EPM2A: variants seen among roughly 807,000 people sequenced by gnomAD.
The protein encoded by EPM2A is laforin.
In EPM2A, 21 loss-of-function variants were observed where a neutral mutation model predicts 26.5. The ratio of observed to expected loss-of-function variants is 0.79; its 90% CI spans 0.56 to 1.14. The LOEUF (loss-of-function observed/expected upper bound fraction) is 1.14, where lower values mean the gene tolerates loss of function less well. Among genes scored for constraint, EPM2A ranks in the 50% most tolerant of loss-of-function variants. EPM2A has a pLI of 0.00. For synonymous variants in EPM2A, 217 were observed against 177.6 expected (o/e 1.22, Z -1.76); for missense variants, 458 against 440.8 (o/e 1.04, Z -0.35).
At chr6:145,602,307 T>C (rs1389208227) in intron 2 of EPM2A, among the ~76,000 whole-genome samples, 2 of 152,224 alleles carry the variant, frequency 1.3e-5, no homozygotes, top group African/African-American at 4.8e-5. Flanking sequence ...ATTTGTTGCA[T>C]TGATAATTAT....
chr6:145,735,769 T>C, upstream of EPM2A: 4 of 350,802 alleles, frequency 1.1e-5, no homozygotes, highest in Non-Finnish European at 1.7e-5. Flanking sequence ...CTGTGGGCGC[T>C]GGGGACACGC....
At chr6:145,506,672 G>T (rs1582808537) in intron 2 of EPM2A, among the ~76,000 whole-genome samples, 1 of 152,134 alleles carries the variant, frequency 6.6e-6, no homozygotes. Context: ...AAGAAAATAA[G>T]TCACCCTGTA....
intron 2 of EPM2A, among the ~76,000 whole-genome samples, chr6:145,650,143 C>A (rs537968407): frequency 1.1e-4 from 16 of 152,208 alleles, no homozygotes; most frequent in Middle Eastern, 6.8e-3. Context: ...GAACGGAAAG[C>A]AATTAGGAAA....
intron 2 of EPM2A, among the ~76,000 whole-genome samples, chr6:145,550,018 T>C (rs1165265341): frequency 6.6e-6 from 1 of 152,140 alleles, no homozygotes; most frequent in African/African-American, 2.4e-5. Context: ...CAGAGTCCAG[T>C]AGAACCGAAA....
chr6:145,733,451 TATATG>T (rs1776614548), intron 1 of EPM2A, among the ~76,000 whole-genome samples: 1 of 152,088 alleles, frequency 6.6e-6, no homozygotes, highest in Non-Finnish European at 1.5e-5. Flanking sequence ...ATATATAACT[TATATG>T]GTAACTATTA....
At chr6:145,392,537 T>C (rs995464439) in intron 4 of EPM2A, among the ~76,000 whole-genome samples, 1 of 152,036 alleles carries the variant, frequency 6.6e-6, no homozygotes, top group African/African-American at 2.4e-5. Flanking sequence ...AACCCCTCCT[T>C]TCCACACCCC....
At chr6:145,565,370 T>C (rs973944920) in intron 2 of EPM2A, among the ~76,000 whole-genome samples, 3 of 152,172 alleles carry the variant, frequency 2.0e-5, no homozygotes, top group Non-Finnish European at 4.4e-5. Context: ...CGTGCAGCTG[T>C]ATCTTCACCT....
intron 2 of EPM2A, among the ~76,000 whole-genome samples, chr6:145,613,913 CA>C (rs1436325618): frequency 5.9e-5 from 9 of 152,164 alleles, no homozygotes; most frequent in African/African-American, 2.4e-5. Flanking sequence ...TTAAAGTCAC[CA>C]GCTACAGTAG....
At chr6:145,655,198 A>G (rs971761865) in intron 2 of EPM2A, among the ~76,000 whole-genome samples, 5 of 152,150 alleles carry the variant, frequency 3.3e-5, no homozygotes, top group Non-Finnish European at 7.3e-5. Flanking sequence ...AAAAAAAAAA[A>G]AAACAGGATT....
intron 1 of EPM2A, among the ~76,000 whole-genome samples, chr6:145,700,559 A>C (rs148113053): frequency 0.011 from 1,652 of 152,286 alleles, 13 homozygotes; most frequent in Admixed American, 0.017. Flanking sequence ...CACACACAAA[A>C]AAAAACCTAT....
chr6:145,442,372 A>G (rs1040714082), intron 4 of EPM2A, among the ~76,000 whole-genome samples: 1 of 152,176 alleles, frequency 6.6e-6, no homozygotes, highest in Non-Finnish European at 1.5e-5. Context: ...GGGAAGAAAA[A>G]TAGGTTTAAT....
At chr6:145,551,433 G>T (rs1780654208) in intron 2 of EPM2A, among the ~76,000 whole-genome samples, 1 of 151,924 alleles carries the variant, frequency 6.6e-6, no homozygotes, top group Non-Finnish European at 1.5e-5. Context: ...TGAAAGCCTA[G>T]TAAAAGGTTC....
intron 2 of EPM2A, among the ~76,000 whole-genome samples, chr6:145,648,093 G>A (rs1215038186): frequency 2.0e-5 from 3 of 152,114 alleles, no homozygotes; most frequent in African/African-American, 7.2e-5. Flanking sequence ...CTCATAGATG[G>A]TCTATTTCTA....
rs1203767956 is a variant in EPM2A, at chr6:145,459,189, A to AG, written c.555+43332dup. Among the ~76,000 whole-genome samples the AG allele has an allele frequency of 7.9e-5, 12 of 152,302 alleles. No individual in the cohort carries two copies. The South Asian group carries it at 2.5e-3, about 32-fold the overall frequency. ...GGATATGTAGCCAATGGGCAAAGAGAGGGGGTCAGTGGATGGGAAATTACT... is the reference window on the plus strand; with the variant it reads ...GGATATGTAGCCAATGGGCAAAGAGAGGGGGGTCAGTGGATGGGAAATTACT... On this transcript the variant is annotated intron_variant, in intron 4 of 4. Transcript: ENST00000638717.
intron 2 of EPM2A, among the ~76,000 whole-genome samples, chr6:145,533,253 T>C (rs540988192): frequency 6.6e-6 from 1 of 152,290 alleles, no homozygotes; most frequent in East Asian, 1.9e-4. Flanking sequence ...TATTTCCTTG[T>C]TCATTTCCTT....
chr6:145,604,310 G>T (rs1781454845), intron 2 of EPM2A, among the ~76,000 whole-genome samples: 1 of 151,924 alleles, frequency 6.6e-6, no homozygotes, highest in Non-Finnish European at 1.5e-5. Flanking sequence ...AAGATCTGAA[G>T]GTTTCTTTCA....
chr6:145,718,234 G>A (rs987246883), intron 1 of EPM2A, among the ~76,000 whole-genome samples: 4 of 151,148 alleles, frequency 2.6e-5, no homozygotes, highest in Admixed American at 2.6e-4. Context: ...CAAGGCTACA[G>A]TAACCAAAAC....
intron 4 of EPM2A, among the ~76,000 whole-genome samples, chr6:145,493,344 T>A (rs759978867): frequency 1.3e-5 from 2 of 152,266 alleles, no homozygotes. Flanking sequence ...TTCTGTATCC[T>A]GAGACTTTGC....
Position 145,468,410 on chromosome 6 carries a change from A to G in EPM2A, c.555+34112T>C, listed in dbSNP as rs952020263. Among the ~76,000 whole-genome samples the G allele has an allele frequency of 1.1e-4, 17 of 152,262 alleles. No homozygotes were observed. The South Asian group carries it at 1.2e-3, about 11-fold the overall frequency. On this transcript the variant is annotated intron_variant, in intron 4 of 4. Transcript: ENST00000638717. ...TAGACTGCCAACTGAAATTATTATA[A>G]TAATGTAATTCTGGCATAAACTTTG...
Sources: gnomAD v4.1 joint callset for allele counts (sites outside exome capture counted in the v4.1 genomes callset) on GRCh38, gnomAD v4.1.1 for gene constraint, MANE v1.5 for transcripts, NCBI Gene and HGNC (gene_info 2026-07-23, HGNC 2026-07-21) for gene names.